C8orf34: variants seen among roughly 807,000 people sequenced by gnomAD.
C8orf34 encodes the protein uncharacterized protein C8orf34.
A neutral mutation model predicts 68.3 loss-of-function variants in C8orf34; 65 were observed. The observed-to-expected ratio is 0.95, with a 90% CI of 0.78 to 1.17. The LOEUF (loss-of-function observed/expected upper bound fraction) is 1.17. Ranked by LOEUF, C8orf34 falls within the 50% of genes most tolerant of loss-of-function variation. The pLI, the probability that C8orf34 is intolerant of heterozygous loss-of-function variation, is 0.00. For missense variants in C8orf34, 664 were observed against 655.4 expected (o/e 1.01, Z -0.14); for synonymous variants, 244 against 241.2 (o/e 1.01, Z -0.11).
intron 7 of C8orf34, 138 bp downstream of exon 7, chr8:68,533,287 T>C: frequency 7.2e-7 from 1 of 1,394,816 alleles, no homozygotes. Flanking sequence ...TTTATTTACA[T>C]TAGACTCACA....
chr8:68,417,093 G>C (rs1355644176), intron 1 of C8orf34, among the ~76,000 whole-genome samples: 1 of 151,978 alleles, frequency 6.6e-6, no homozygotes, highest in South Asian at 2.1e-4. Flanking sequence ...ATTGTGTAGA[G>C]TTTCAATATA....
intron 3 of C8orf34, among the ~76,000 whole-genome samples, chr8:68,450,327 C>G (rs1475498690): frequency 1.3e-5 from 2 of 152,088 alleles, no homozygotes; most frequent in Non-Finnish European, 2.9e-5. Context: ...TTGACATTAA[C>G]TTCTTCCAAA....
At chr8:68,742,025 G>A (rs1456521574) in intron 10 of C8orf34, among the ~76,000 whole-genome samples, 1 of 152,110 alleles carries the variant, frequency 6.6e-6, no homozygotes, top group African/African-American at 2.4e-5. Context: ...AATACTTCAT[G>A]CCTGTGGCCA....
At chr8:68,372,037 C>G (rs1381019302) in intron 1 of C8orf34, among the ~76,000 whole-genome samples, 3 of 152,144 alleles carry the variant, frequency 2.0e-5, no homozygotes, top group African/African-American at 7.2e-5. Flanking sequence ...ATGAAGAAGC[C>G]TCTGCATGTC....
chr8:68,351,873 G>A (rs1161097339), intron 1 of C8orf34, among the ~76,000 whole-genome samples: 1 of 152,044 alleles, frequency 6.6e-6, no homozygotes, highest in Non-Finnish European at 1.5e-5. Context: ...TGTTGTCAGT[G>A]TTCTGTATTT....
intron 8 of C8orf34, among the ~76,000 whole-genome samples, chr8:68,708,427 A>G (rs967544272): frequency 6.6e-6 from 1 of 152,214 alleles, no homozygotes; most frequent in African/African-American, 2.4e-5. Context: ...CAGTATAGTT[A>G]TAAATTATGC....
At chr8:68,550,986 A>G (rs1816050599) in intron 7 of C8orf34, among the ~76,000 whole-genome samples, 2 of 151,268 alleles carry the variant, frequency 1.3e-5, no homozygotes, top group African/African-American at 4.9e-5. Flanking sequence ...ATGCCTAGGT[A>G]TAGTTCTACT....
intron 7 of C8orf34, among the ~76,000 whole-genome samples, chr8:68,577,160 C>G (rs1816929164): frequency 6.6e-6 from 1 of 151,906 alleles, no homozygotes; most frequent in Non-Finnish European, 1.5e-5. Context: ...TGAGGTTTCT[C>G]CAAGGCGCAG....
chr8:68,613,387 C>A (rs546516665), intron 7 of C8orf34, among the ~76,000 whole-genome samples: 12 of 152,036 alleles, frequency 7.9e-5, no homozygotes, highest in South Asian at 6.2e-4. Flanking sequence ...TGGTGTGTTG[C>A]ACCAATTAAC....
chr8:68,488,116 A>C, intron 5 of C8orf34, 65 bp downstream of exon 5: 1 of 1,132,016 alleles, frequency 8.8e-7, no homozygotes, highest in Non-Finnish European at 1.3e-6. Flanking sequence ...CACTGTCTCA[A>C]CATAAATAAA....
At chr8:68,691,375 A>G (rs1269858290) in intron 8 of C8orf34, among the ~76,000 whole-genome samples, 2 of 152,098 alleles carry the variant, frequency 1.3e-5, no homozygotes, top group Non-Finnish European at 2.9e-5. Context: ...AGACTACAGT[A>G]TAGTATAAAC....
chr8:68,685,890 A>G (rs1396914164), intron 8 of C8orf34, among the ~76,000 whole-genome samples: 1 of 149,736 alleles, frequency 6.7e-6, no homozygotes, highest in African/African-American at 2.5e-5. Context: ...AAATAAATAA[A>G]TAAATAAATA....
At chr8:68,674,553 G>GA (rs1190980589) in intron 8 of C8orf34, among the ~76,000 whole-genome samples, 1 of 151,784 alleles carries the variant, frequency 6.6e-6, no homozygotes, top group Non-Finnish European at 1.5e-5. Flanking sequence ...TGATCAAGCA[G>GA]AAAAAAGAAT....
chr8:68,511,004 G>T (rs1586289100), intron 5 of C8orf34, among the ~76,000 whole-genome samples: 2 of 152,172 alleles, frequency 1.3e-5, no homozygotes, highest in Admixed American at 6.5e-5. Context: ...GCTTATATTG[G>T]CTCTGCAAGT....
intron 10 of C8orf34, among the ~76,000 whole-genome samples, chr8:68,740,358 A>T (rs976105407): frequency 9.2e-5 from 14 of 152,214 alleles, no homozygotes; most frequent in Non-Finnish European, 1.9e-4. Context: ...GTATCTGACA[A>T]AGGTCTAATA....
At chr8:68,602,391 C>G (rs1817724177) in intron 7 of C8orf34, among the ~76,000 whole-genome samples, 1 of 152,088 alleles carries the variant, frequency 6.6e-6, no homozygotes, top group Non-Finnish European at 1.5e-5. Context: ...AGGAAACTTA[C>G]AATCATGGTA....
At chr8:68,768,803 G>T (rs114211803) in intron 10 of C8orf34, among the ~76,000 whole-genome samples, 2,246 of 151,928 alleles carry the variant, frequency 0.015, 65 homozygotes, top group African/African-American at 0.051. Flanking sequence ...CTTTGTGCCG[G>T]CAACTGCATG....
chr8:68,381,091 T>C (rs1306862750), intron 1 of C8orf34, among the ~76,000 whole-genome samples: 2 of 152,200 alleles, frequency 1.3e-5, no homozygotes, highest in African/African-American at 4.8e-5. Flanking sequence ...CAAAATAAGG[T>C]TAATGAAGGA....
At chr8:68,360,553 G>T in intron 1 of C8orf34, among the ~76,000 whole-genome samples, 1 of 152,064 alleles carries the variant, frequency 6.6e-6, no homozygotes, top group South Asian at 2.1e-4. Context: ...GGGCCACTGA[G>T]AATGCACTGA....
Sources: allele counts gnomAD v4.1 joint callset (sites outside exome capture counted in the v4.1 genomes callset), GRCh38; gene constraint gnomAD v4.1.1; transcripts MANE v1.5; gene names NCBI Gene and HGNC (gene_info 2026-07-23, HGNC 2026-07-21).